Variants in RDX observed in about 807,000 individuals in gnomAD.
RDX encodes the protein deafness, autosomal recessive 24.
RDX carries 32 observed loss-of-function variants against 83.7 expected under a neutral mutation model. The ratio of observed to expected loss-of-function variants is 0.38; its 90% CI spans 0.29 to 0.51. RDX has a LOEUF of 0.51. Among genes scored for constraint, RDX ranks in the 20% least tolerant of loss-of-function variants. The probability of loss-of-function intolerance (pLI) is 0.87; values close to 1 mark genes in which losing one functional copy is unlikely to be tolerated. For synonymous variants in RDX, 229 were observed against 222.7 expected (o/e 1.03, Z -0.25); for missense variants, 600 against 689.9 (o/e 0.87, Z 1.46).
intron 1 of RDX, among the ~76,000 whole-genome samples, chr11:110,292,651 TA>T (rs1227196700): frequency 3.8e-4 from 54 of 140,266 alleles, no homozygotes; most frequent in South Asian, 4.5e-4. Flanking sequence ...ACAAATAAAT[TA>T]AAAAAAAAAA....
At chr11:110,277,463 G>A (rs551640686) in intron 2 of RDX, among the ~76,000 whole-genome samples, 4 of 152,222 alleles carry the variant, frequency 2.6e-5, no homozygotes, top group Non-Finnish European at 4.4e-5. Flanking sequence ...GGGATTACAG[G>A]AATGTGCCAC....
Position 110,289,896 on chromosome 11 carries a change from C to G in RDX, c.-65+6571G>C, listed in dbSNP as rs553112547. On this transcript the variant is annotated intron_variant, in intron 1 of 13. Coordinates refer to ENST00000645495, the MANE Select transcript of RDX (RefSeq NM_002906.4). ...ATTGCATGAATCCAGGAGGCAGAGG[C>G]TGCAATGAGCTGAGATCATGCCACT... 7.5e-5 allele frequency among the ~76,000 whole-genome samples: 10 copies of G among 133,012 alleles called. 1 individual carries two copies. The highest frequency in any genetic ancestry group is 2.9e-4 in the African/African-American group (10 of 34,232). The allele number at this position is 133,012 out of a possible 152,430, so 87.3% of individuals were successfully genotyped here.
At chr11:110,226,984 T>C (rs1207329626), downstream of RDX, among the ~76,000 whole-genome samples, 6 of 152,166 alleles carry the variant, frequency 3.9e-5, no homozygotes, top group Non-Finnish European at 8.8e-5. Flanking sequence ...AAACTGTTTT[T>C]ATGAAAATAG....
chr11:110,222,095 T>C (rs1460398830), intron 14 of RDX, among the ~76,000 whole-genome samples: 1 of 152,198 alleles, frequency 6.6e-6, no homozygotes, highest in Non-Finnish European at 1.5e-5. Context: ...ATTCCTTTAA[T>C]AGTACTATTA....
At position 110,263,944 on chromosome 11, in the gene RDX, C is replaced by T. The variant is rs200650919; in HGVS notation, c.467+16G>A. 2.2e-5 allele frequency: 35 copies of T among 1,609,038 alleles called. No individual in the cohort carries two copies. The South Asian group carries it at 3.1e-4, about 14-fold the overall frequency. Reference sequence around the variant, plus strand: ...CAATTTTCAGACAATATAATGCAAACGCATGTTTCACTTACCGCTGGGGTA... The same window carrying T: ...CAATTTTCAGACAATATAATGCAAATGCATGTTTCACTTACCGCTGGGGTA... On this transcript the variant is annotated intron_variant, in intron 5 of 13. Coordinates refer to ENST00000645495, the MANE Select transcript of RDX (RefSeq NM_002906.4).
chr11:110,191,381 C>T (rs532336137), intron 15 of RDX, among the ~76,000 whole-genome samples: 9 of 152,304 alleles, frequency 5.9e-5, no homozygotes, highest in African/African-American at 2.2e-4. Context: ...AATATCCCTT[C>T]GGGATAAAAA....
At chr11:110,243,047 G>C (rs920134818) in intron 10 of RDX, among the ~76,000 whole-genome samples, 2 of 152,056 alleles carry the variant, frequency 1.3e-5, no homozygotes, top group African/African-American at 4.8e-5. Context: ...ATAAACTACA[G>C]ACAGAGTATC....
At chr11:110,240,099 G>A (rs554275060) in intron 10 of RDX, among the ~76,000 whole-genome samples, 3 of 152,264 alleles carry the variant, frequency 2.0e-5, no homozygotes, top group South Asian at 2.1e-4. Flanking sequence ...GGAGATAGTT[G>A]TACTCCTACG....
chr11:110,253,900 T>C (rs756266743), intron 9 of RDX, 46 bp downstream of exon 9: 1 of 1,570,726 alleles, frequency 6.4e-7, no homozygotes, highest in South Asian at 1.1e-5. Flanking sequence ...AAATTTTAGA[T>C]AGCCTACTCC....
intron 14 of RDX, among the ~76,000 whole-genome samples, chr11:110,200,852 C>A (rs1863374896): frequency 6.6e-6 from 1 of 152,164 alleles, no homozygotes; most frequent in African/African-American, 2.4e-5. Context: ...GGAATTCTAA[C>A]TATTTTCAAA....
intron 14 of RDX, among the ~76,000 whole-genome samples, chr11:110,215,049 A>AAAAAAATATATATAT (rs1355797892): frequency 6.2e-5 from 6 of 97,232 alleles, no homozygotes; most frequent in African/African-American, 2.2e-4. Context: ...AAAAAAAAAA[A>AAAAAAATATATATAT]ATATATATAT....
chr11:110,233,415 G>T lies in RDX; in HGVS notation c.1409C>A (p.Pro470His). 5 of 1,614,050 alleles carry T rather than the reference G, an allele frequency of 3.1e-6. No homozygotes were observed. In the East Asian group the frequency reaches 1.1e-4, roughly 36 times the overall value. The change falls in exon 13 of 14, where the codon CCC (proline) becomes CAC (histidine). Residue 470 changes from proline to histidine, a missense_variant. By Grantham distance (77) the Pro-to-His change is moderately conservative. Transcript: ENST00000645495. ...GACTGGTGGTGGTGGAGGTGGAGGG[G>T]GGGCAGACATCACAGTTTTTAACTC... ...KEELKTVMSA[P>H]PPPPPPPVIP...
chr11:110,205,431 C>CAAAAA (rs35103862), intron 14 of RDX, among the ~76,000 whole-genome samples: 4 of 47,056 alleles, frequency 8.5e-5, no homozygotes, highest in South Asian at 7.7e-4. Flanking sequence ...TTTACCTATC[C>CAAAAA]AAAAAAAAAA....
intron 1 of RDX, among the ~76,000 whole-genome samples, chr11:110,293,836 C>T (rs1020224629): frequency 3.3e-5 from 5 of 152,154 alleles, no homozygotes; most frequent in Non-Finnish European, 7.4e-5. Context: ...GTTTTCACAA[C>T]CTTAATAAAA....
chr11:110,254,229 A>G (rs1859452834), intron 8 of RDX, 120 bp from the exon 9 acceptor site: 1 of 810,718 alleles, frequency 1.2e-6, no homozygotes, highest in African/African-American at 1.7e-5. Flanking sequence ...TAGTTTAGAA[A>G]TAAGAAATCA....
chr11:110,177,969 T>A (rs955042084), intron 15 of RDX, among the ~76,000 whole-genome samples: 14 of 152,016 alleles, frequency 9.2e-5, no homozygotes. Context: ...GCCTCTCTGA[T>A]CAGGCCAGGA....
intron 3 of RDX, among the ~76,000 whole-genome samples, chr11:110,270,509 G>A (rs1335805646): frequency 2.0e-5 from 3 of 152,122 alleles, no homozygotes; most frequent in Non-Finnish European, 2.9e-5. Context: ...AATAGAAAGA[G>A]ATATACACAA....
intron 14 of RDX, among the ~76,000 whole-genome samples, chr11:110,208,889 G>A (rs551021795): frequency 6.6e-6 from 1 of 152,222 alleles, no homozygotes; most frequent in Non-Finnish European, 1.5e-5. Flanking sequence ...CCAGGAGGCA[G>A]AGGTTGCATT....
At chr11:110,219,062 G>C (rs1450984963) in intron 14 of RDX, among the ~76,000 whole-genome samples, 1 of 152,142 alleles carries the variant, frequency 6.6e-6, no homozygotes, top group East Asian at 1.9e-4. Flanking sequence ...GTGCTACAGA[G>C]AAAAATAAAG....
Sources: gnomAD v4.1 joint callset for allele counts (sites outside exome capture counted in the v4.1 genomes callset) on GRCh38, gnomAD v4.1.1 for gene constraint, MANE v1.5 for transcripts, NCBI Gene and HGNC (gene_info 2026-07-23, HGNC 2026-07-21) for gene names.